Variants in MAP2 observed in about 807,000 individuals in gnomAD.
MAP2 encodes microtubule-associated protein 2.
MAP2 carries 14 observed loss-of-function variants against 137.6 expected under a neutral mutation model. The observed-to-expected ratio is 0.10, with a 90% CI of 0.07 to 0.16. The LOEUF is 0.16. Ranked by LOEUF, MAP2 falls within the 10% of genes least tolerant of loss-of-function variation. MAP2 has a pLI of 1.00. For synonymous variants in MAP2, 786 were observed against 782.3 expected (o/e 1.00, Z -0.08); for missense variants, 2,088 against 2,191.5 (o/e 0.95, Z 0.94).
intron 5 of MAP2, among the ~76,000 whole-genome samples, chr2:209,673,886 G>T (rs3768820): frequency 0.23 from 35,596 of 151,566 alleles, 6,913 homozygotes; most frequent in African/African-American, 0.54. Context: ...TCTAATCTCT[G>T]ACTTCAAAAA....
intron 13 of MAP2, among the ~76,000 whole-genome samples, chr2:209,711,576 T>C (rs2065483726): frequency 6.6e-6 from 1 of 152,152 alleles, no homozygotes; most frequent in African/African-American, 2.4e-5. Flanking sequence ...ACAAGAAACA[T>C]TTTTAAGCAA....
chr2:209,612,367 A>G (rs1284058524), intron 3 of MAP2, among the ~76,000 whole-genome samples: 1 of 152,182 alleles, frequency 6.6e-6, no homozygotes, highest in Non-Finnish European at 1.5e-5. Context: ...AAAAACATTC[A>G]ATTTGACTTT....
intron 13 of MAP2, among the ~76,000 whole-genome samples, chr2:209,711,054 A>G (rs2065284911): frequency 6.6e-6 from 1 of 152,186 alleles, no homozygotes; most frequent in Non-Finnish European, 1.5e-5. Context: ...ATATTGATCT[A>G]TTCAGGATAG....
chr2:209,488,358 C>T (rs115847308), intron 1 of MAP2, among the ~76,000 whole-genome samples: 3,612 of 152,188 alleles, frequency 0.024, 48 homozygotes, highest in Non-Finnish European at 0.033. Flanking sequence ...ACTGGATGGT[C>T]GTTTGGGCAG....
chr2:209,557,021 A>G (rs2153329022), intron 2 of MAP2, among the ~76,000 whole-genome samples: 1 of 152,328 alleles, frequency 6.6e-6, no homozygotes, highest in East Asian at 1.9e-4. Context: ...CAGATAAGGA[A>G]ATATATTTTG....
intron 1 of MAP2, among the ~76,000 whole-genome samples, chr2:209,496,208 T>A (rs2059735286): frequency 6.6e-6 from 1 of 152,162 alleles, no homozygotes; most frequent in South Asian, 2.1e-4. Flanking sequence ...ATTCCTGACT[T>A]TGTGCCGTAT....
At chr2:209,664,916 A>G (rs2045537495) in intron 5 of MAP2, among the ~76,000 whole-genome samples, 1 of 142,192 alleles carries the variant, frequency 7.0e-6, no homozygotes, top group South Asian at 2.4e-4. Context: ...GTGAGCTGAG[A>G]TCGCGCCCCT....
At chr2:209,529,228 G>A (rs2064714359) in intron 2 of MAP2, among the ~76,000 whole-genome samples, 1 of 152,062 alleles carries the variant, frequency 6.6e-6, no homozygotes, top group East Asian at 1.9e-4. Context: ...CAATGTTAGA[G>A]CAACAAGGGC....
intron 1 of MAP2, among the ~76,000 whole-genome samples, chr2:209,462,276 G>T (rs773039458): frequency 6.6e-6 from 1 of 152,034 alleles, no homozygotes; most frequent in African/African-American, 2.4e-5. Context: ...AGACCTTATC[G>T]GGCAAGATCA....
intron 1 of MAP2, among the ~76,000 whole-genome samples, chr2:209,457,198 C>T (rs1701733174): frequency 6.6e-6 from 1 of 152,094 alleles, no homozygotes; most frequent in African/African-American, 2.4e-5. Context: ...TATTAAGAAT[C>T]GTGAAGGGCG....
At chr2:209,568,562 G>A (rs1441434429) in intron 2 of MAP2, among the ~76,000 whole-genome samples, 2 of 151,900 alleles carry the variant, frequency 1.3e-5, no homozygotes, top group African/African-American at 4.8e-5. Flanking sequence ...GAACAAGAGA[G>A]GTTTAAAATA....
intron 1 of MAP2, among the ~76,000 whole-genome samples, chr2:209,496,894 T>G (rs188397665): frequency 1.2e-3 from 189 of 152,234 alleles, no homozygotes; most frequent in African/African-American, 4.3e-3. Flanking sequence ...TGCCTCTGGC[T>G]TCAGCCTCCC....
intron 3 of MAP2, among the ~76,000 whole-genome samples, chr2:209,587,388 A>C (rs2078037261): frequency 6.6e-6 from 1 of 152,050 alleles, no homozygotes; most frequent in African/African-American, 2.4e-5. Flanking sequence ...TTTCCGTTGA[A>C]ATCATCTCTT....
At chr2:209,671,000 T>C (rs1449146532) in intron 5 of MAP2, among the ~76,000 whole-genome samples, 2 of 152,038 alleles carry the variant, frequency 1.3e-5, no homozygotes, top group Non-Finnish European at 2.9e-5. Context: ...CCATCAGAGC[T>C]GAATTTTGTG....
At chr2:209,447,649 C>T (rs1173460534) in intron 1 of MAP2, among the ~76,000 whole-genome samples, 1 of 151,990 alleles carries the variant, frequency 6.6e-6, no homozygotes, top group African/African-American at 2.4e-5. Flanking sequence ...TTGATACTAT[C>T]CTCAGTGATG....
At chr2:209,458,670 A>G (rs1235140044) in intron 1 of MAP2, among the ~76,000 whole-genome samples, 1 of 152,152 alleles carries the variant, frequency 6.6e-6, no homozygotes, top group Non-Finnish European at 1.5e-5. Flanking sequence ...GTTTACCTCT[A>G]ATCACAATAA....
At chr2:209,452,091 T>C (rs2149490571) in intron 1 of MAP2, among the ~76,000 whole-genome samples, 1 of 152,314 alleles carries the variant, frequency 6.6e-6, no homozygotes, top group East Asian at 1.9e-4. Flanking sequence ...AAGAACACCT[T>C]GAAATCAAAA....
rs2094412061 is a variant in MAP2 at position 209,646,207 on chromosome 2, T to C, written c.-29-6935T>C. Among the ~76,000 whole-genome samples the C allele has an allele frequency of 2.0e-5, 3 of 151,966 alleles. No individual in the cohort carries two copies. The South Asian group carries it at 6.2e-4, about 31-fold the overall frequency. On this transcript the variant is annotated intron_variant, in intron 4 of 15. Transcript: ENST00000682079. ...TAAGACCCTGTCTCAAAAAATAAAA[T>C]GAAATAAAGAAAATAAAAGAAATAA...
intron 2 of MAP2, among the ~76,000 whole-genome samples, chr2:209,574,076 G>T (rs2074895294): frequency 6.6e-6 from 1 of 152,004 alleles, no homozygotes; most frequent in South Asian, 2.1e-4. Context: ...ACCATGTGAT[G>T]TTTATTTGGT....
Sources: gnomAD v4.1 joint callset for allele counts (sites outside exome capture counted in the v4.1 genomes callset) on GRCh38, gnomAD v4.1.1 for gene constraint, MANE v1.5 for transcripts, NCBI Gene and HGNC (gene_info 2026-07-23, HGNC 2026-07-21) for gene names.